CACNA1C: variants seen among roughly 807,000 people sequenced by gnomAD.
CACNA1C encodes the protein calcium voltage-gated channel subunit alpha1 C.
In CACNA1C, 30 loss-of-function variants were observed where a neutral mutation model predicts 229.0. The observed-to-expected ratio is 0.13, with a 90% CI of 0.10 to 0.18. The LOEUF is 0.18. Among genes scored for constraint, CACNA1C ranks in the 10% least tolerant of loss-of-function variants. The pLI is 1.00. For synonymous variants in CACNA1C, 1,114 were observed against 1,132.5 expected (o/e 0.98, Z 0.33); for missense variants, 1,658 against 2,845.0 (o/e 0.58, Z 9.49).
intron 3 of CACNA1C, among the ~76,000 whole-genome samples, chr12:2,240,762 C>T (rs990908010): frequency 6.6e-6 from 1 of 152,102 alleles, no homozygotes; most frequent in Non-Finnish European, 1.5e-5. Context: ...GCGTGGCCTC[C>T]TCTTCCACCT....
chr12:2,504,943 C>A lies in CACNA1C; in HGVS notation c.1215C>A (p.Ser405Arg). 6.6e-7 allele frequency: 1 copy of A among 1,508,068 alleles called. No individual in the cohort carries two copies. The highest frequency in any genetic ancestry group is 9.2e-7 in the Non-Finnish European group (1 of 1,083,766). 93.4% of individuals were successfully genotyped at this position (1,508,068 alleles called of 1,614,324 possible). ...TTAACTTGGTTCTCGGTGTGCTTAG[C>A]GGGTAAGCAGGACCAAGGAAAAAGG... ...FVLNLVLGVL[S>R]GEFSKEREKA... is the part of the protein sequence containing the mutation. Residue 405 changes from serine to arginine, a missense_variant and splice_region_variant, in exon 8 of 47, where the codon AGC (serine) becomes AGA (arginine). Transcript: ENST00000399655. The surrounding 1 kb of genome is among the most constrained non-coding windows in gnomAD (Gnocchi z 6.8).
chr12:1,994,246 C>G (rs1003212243), intron 1 of CACNA1C, among the ~76,000 whole-genome samples: 34 of 152,196 alleles, frequency 2.2e-4, no homozygotes, highest in Non-Finnish European at 7.3e-5. Context: ...CACACTGAAG[C>G]TGAAGCAAGC....
chr12:2,662,165 C>T (rs1389767173), intron 34 of CACNA1C, among the ~76,000 whole-genome samples: 1 of 151,624 alleles, frequency 6.6e-6, no homozygotes, highest in African/African-American at 2.4e-5. Flanking sequence ...TCTCTTGAAC[C>T]CAGGAGATGG....
intron 3 of CACNA1C, among the ~76,000 whole-genome samples, chr12:2,178,875 A>G (rs925521786): frequency 6.6e-6 from 1 of 152,170 alleles, no homozygotes; most frequent in African/African-American, 2.4e-5. Flanking sequence ...CAGCCTGGCC[A>G]ACATGACAAA....
intron 3 of CACNA1C, among the ~76,000 whole-genome samples, chr12:2,351,333 C>T (rs2097196517): frequency 6.6e-6 from 1 of 152,164 alleles, no homozygotes; most frequent in African/African-American, 2.4e-5. Context: ...CTGCCTTGCC[C>T]AGTGCTCAGA....
intron 38 of CACNA1C, among the ~76,000 whole-genome samples, chr12:2,669,534 G>T (rs16929874): frequency 0.033 from 4,980 of 152,252 alleles, 282 homozygotes; most frequent in African/African-American, 0.11. Context: ...AAGTCAGAGG[G>T]TATAGCTCAC....
chr12:2,355,786 C>T (rs764458278), intron 3 of CACNA1C, among the ~76,000 whole-genome samples: 18 of 152,262 alleles, frequency 1.2e-4, no homozygotes, highest in Non-Finnish European at 1.9e-4. Flanking sequence ...TGGCATCTAG[C>T]GGGTAGAGGC....
At chr12:2,387,433 C>T (rs759087356) in intron 3 of CACNA1C, among the ~76,000 whole-genome samples, 7 of 151,814 alleles carry the variant, frequency 4.6e-5, no homozygotes, top group Non-Finnish European at 1.0e-4. Context: ...TGCAGTGAGC[C>T]GAGATTGCAC....
rs1445102448 is a variant in CACNA1C at position 2,512,997 on chromosome 12, C to G, written c.1390+13C>G. 1 of 1,585,148 alleles carries G rather than the reference C, an allele frequency of 6.3e-7. No individual in the cohort carries two copies. Among genetic ancestry groups the G allele is most frequent in the East Asian group, 2.3e-5 (1 of 43,672 alleles). The stretch of plus-strand genomic sequence containing the variant: ...AAGCCCCGAAACAGTGAGCAGCCGT[C>G]TTCTTCTGTGTTTGGGCTGGGTTCT... On this transcript the variant is annotated intron_variant, in intron 9 of 46. Transcript: ENST00000399655. The surrounding 1 kb of genome is among the most constrained non-coding windows in gnomAD (Gnocchi z 4.3).
At position 2,235,553 on chromosome 12, in the gene CACNA1C, G is replaced by C. The variant is rs570382520; in HGVS notation, c.477+115123G>C. ...AGATGAGGAGATCTTGCCATCACTAGGGGTCCATCTCTCCCACATGCTGCC... is the reference window on the plus strand; with the variant it reads ...AGATGAGGAGATCTTGCCATCACTACGGGTCCATCTCTCCCACATGCTGCC... On this transcript the variant is annotated intron_variant, in intron 3 of 46. Coordinates refer to ENST00000399655, the MANE Select transcript of CACNA1C (RefSeq NM_000719.7). 1.6e-3 allele frequency among the ~76,000 whole-genome samples: 242 copies of C among 152,296 alleles called. 2 individuals carry two copies. The highest frequency in any genetic ancestry group is 5.5e-3 in the African/African-American group (229 of 41,550).
intron 9 of CACNA1C, 23 bp downstream of exon 9, chr12:2,513,007 G>A (rs767757623): frequency 1.3e-6 from 2 of 1,571,504 alleles, no homozygotes; most frequent in East Asian, 4.6e-5. Context: ...CTTCTTCTGT[G>A]TTTGGGCTGG....
chr12:2,449,597 ACTTTGAATT>A (rs2099338128), intron 4 of CACNA1C, among the ~76,000 whole-genome samples: 1 of 152,200 alleles, frequency 6.6e-6, no homozygotes, highest in African/African-American at 2.4e-5. Context: ...TGTGAAAATC[ACTTTGAATT>A]CAGACTTCCC....
rs369706132 is a variant in CACNA1C at position 2,653,936 on chromosome 12, C to G, written c.4140+36C>G. 1 of 1,555,738 alleles carries G rather than the reference C, an allele frequency of 6.4e-7. No individual in the cohort carries two copies. The highest frequency in any genetic ancestry group is 8.9e-7 in the Non-Finnish European group (1 of 1,128,130). On this transcript the variant is annotated intron_variant, in intron 33 of 46. Transcript: ENST00000399655. This position sits in a 1 kb window ranked among gnomAD's most constrained non-coding sequence, Gnocchi z 4.7. ...TCCCACCACGGGGCTCCTGGCCTCCCGCTCTGTCTCTCCCCAGTTCCCAGC... is the reference window on the plus strand; with the variant it reads ...TCCCACCACGGGGCTCCTGGCCTCCGGCTCTGTCTCTCCCCAGTTCCCAGC...
At chr12:2,219,852 T>TGGGATCTGGAGGCCTGGAGTCTGC (rs1375706230) in intron 3 of CACNA1C, among the ~76,000 whole-genome samples, 1 of 152,156 alleles carries the variant, frequency 6.6e-6, no homozygotes, top group Admixed American at 6.5e-5. Context: ...CCTTTTGGCC[T>TGGGATCTGGAGGCCTGGAGTCTGC]GGGATCTGGA....
intron 7 of CACNA1C, among the ~76,000 whole-genome samples, chr12:2,498,426 T>C (rs192802346): frequency 1.3e-5 from 2 of 152,278 alleles, no homozygotes; most frequent in East Asian, 3.9e-4. Context: ...AGGAAGAGAG[T>C]CAGCATCTCT....
rs2099767793 is a variant in CACNA1C, at chr12:2,504,675, C to G, written c.1114-167C>G. 1.3e-6 allele frequency: 1 copy of G among 763,108 alleles called. No individual in the cohort carries two copies. Among genetic ancestry groups the G allele is most frequent in the Admixed American group, 2.1e-5 (1 of 46,874 alleles). 47.3% of individuals were successfully genotyped at this position (763,108 alleles called of 1,614,324 possible). A position where few individuals can be genotyped will look rare whatever the true frequency, so the allele number is the denominator to read the frequency against. On this transcript the variant is annotated intron_variant, in intron 7 of 46. Transcript: ENST00000399655. This position sits in a 1 kb window ranked among gnomAD's most constrained non-coding sequence, Gnocchi z 6.8. ...AACCACAACAAAGCCTCTGTTCAAC[C>G]ACAGATTCTGACCCATTGGCCAGGC...
chr12:2,175,391 A>G (rs1052872065), intron 3 of CACNA1C, among the ~76,000 whole-genome samples: 14 of 152,098 alleles, frequency 9.2e-5, no homozygotes, highest in African/African-American at 2.9e-4. Context: ...AATGTCCCTC[A>G]TTTTGATTTG....
At chr12:2,139,045 A>G (rs182401967) in intron 3 of CACNA1C, among the ~76,000 whole-genome samples, 1 of 150,916 alleles carries the variant, frequency 6.6e-6, no homozygotes, top group Non-Finnish European at 1.5e-5. Flanking sequence ...TGCTGTGAAA[A>G]TACCATGCAT....
intron 3 of CACNA1C, among the ~76,000 whole-genome samples, chr12:2,135,779 C>A (rs1222308568): frequency 6.8e-6 from 1 of 146,588 alleles, no homozygotes; most frequent in Non-Finnish European, 1.5e-5. Flanking sequence ...TGCCCTGCCC[C>A]CAGAGGTGGA....
Sources: allele counts gnomAD v4.1 joint callset (sites outside exome capture counted in the v4.1 genomes callset), GRCh38; gene constraint gnomAD v4.1.1; non-coding constraint Gnocchi (gnomAD v3.1); transcripts MANE v1.5; gene names NCBI Gene and HGNC (gene_info 2026-07-23, HGNC 2026-07-21).